MYO5B: variants seen among roughly 807,000 people sequenced by gnomAD.
MYO5B encodes myosin VB, also known as unconventional myosin-Vb.
MYO5B carries 143 observed loss-of-function variants against 229.3 expected under a neutral mutation model. That is an observed-to-expected ratio of 0.62 (90% CI 0.54 to 0.72). MYO5B has a LOEUF of 0.72. Ranked by LOEUF, MYO5B falls within the 30% of genes least tolerant of loss-of-function variation. The pLI is 0.00. For synonymous variants in MYO5B, 918 were observed against 885.2 expected, an observed-to-expected ratio of 1.04 and a Z score of -0.66; for missense variants, 2,321 against 2,331.0, an observed-to-expected ratio of 1.00 and a Z score of 0.09.
intron 22 of MYO5B, among the ~76,000 whole-genome samples, chr18:49,891,325 C>T (rs1213561136): frequency 6.6e-6 from 1 of 152,218 alleles, no homozygotes; most frequent in Admixed American, 6.5e-5. Context: ...CAGGCCCCCA[C>T]AGGTCACCCT....
chr18:49,937,410 A>C lies in MYO5B; in HGVS notation c.1753-13T>G. The stretch of plus-strand genomic sequence containing the variant: ...CCACTAGTGGGAACTAGAAACAATC[A>C]CAGGAAGAATGATGAAAGTGACATC... On this transcript the variant is annotated splice_polypyrimidine_tract_variant and intron_variant, in intron 14 of 39. Coordinates refer to ENST00000285039, the MANE Select transcript of MYO5B (RefSeq NM_001080467.3). 1 of 1,613,590 alleles carries C rather than the reference A, an allele frequency of 6.2e-7. No homozygotes were observed. The highest frequency in any genetic ancestry group is 8.5e-7 in the Non-Finnish European group (1 of 1,179,506).
rs1186928302 is a variant in MYO5B, at chr18:49,849,799, G to C, written c.4222-139C>G. 4.0e-6 allele frequency: 3 copies of C among 744,614 alleles called. No homozygotes were observed. The African/African-American group carries it at 5.1e-5, about 13-fold the overall frequency. 46.1% of individuals were successfully genotyped at this position (744,614 alleles called of 1,614,324 possible). On this transcript the variant is annotated intron_variant, in intron 31 of 39. Transcript: ENST00000285039. Reference sequence around the variant, plus strand: ...AATGCGCCAGTCAGGGACGCTGCCAGGAGAGCTGCTCTTCACAGGCTGTTG... The same window carrying C: ...AATGCGCCAGTCAGGGACGCTGCCACGAGAGCTGCTCTTCACAGGCTGTTG...
At chr18:49,965,162 A>T (rs2025608379) in intron 10 of MYO5B, among the ~76,000 whole-genome samples, 1 of 152,220 alleles carries the variant, frequency 6.6e-6, no homozygotes, top group East Asian at 1.9e-4. Context: ...CTGGTGGCCA[A>T]CCAATAGAAA....
intron 18 of MYO5B, among the ~76,000 whole-genome samples, chr18:49,907,587 G>T (rs1612752): frequency 2.0e-5 from 3 of 152,066 alleles, no homozygotes; most frequent in Non-Finnish European, 4.4e-5. Context: ...TAATGAGAAA[G>T]GAAGGAATGA....
At chr18:50,011,912 G>A (rs1350847349) in intron 4 of MYO5B, among the ~76,000 whole-genome samples, 2 of 151,988 alleles carry the variant, frequency 1.3e-5, no homozygotes, top group Non-Finnish European at 2.9e-5. Context: ...GGCCCTGCAC[G>A]AGCTGTTCCC....
chr18:49,889,510 C>T (rs1787303), intron 22 of MYO5B, among the ~76,000 whole-genome samples: 88,338 of 152,022 alleles, frequency 0.58, 25,814 homozygotes, highest in Middle Eastern at 0.67. Context: ...CAAGGCTGTA[C>T]CCTCTGAATC....
chr18:49,925,081 T>G (rs2025114079), intron 17 of MYO5B, among the ~76,000 whole-genome samples: 1 of 152,224 alleles, frequency 6.6e-6, no homozygotes, highest in Admixed American at 6.5e-5. Context: ...AATGGGGAGC[T>G]GCACATGCCT....
In MYO5B at chr18:49,904,674, G is replaced by C. The variant is rs201641526; in HGVS notation, c.2569C>G (p.Gln857Glu). Reference protein sequence around the residue: ...RAMFVRRTYRQVLMEHKATTI... With the variant: ...RAMFVRRTYREVLMEHKATTI... ...AGGCCCTCAGAGTGGCTACTCACCTGGCGGTAGGTTCTCCGCACAAACATG... is the reference window on the plus strand; with the variant it reads ...AGGCCCTCAGAGTGGCTACTCACCTCGCGGTAGGTTCTCCGCACAAACATG... Residue 857 changes from glutamine to glutamate, a missense_variant and splice_region_variant, in exon 20 of 40, where the codon CAG (glutamine) becomes GAG (glutamate). Coordinates refer to ENST00000285039, the MANE Select transcript of MYO5B (RefSeq NM_001080467.3). 4.1e-5 allele frequency: 66 copies of C among 1,613,558 alleles called. No homozygotes were observed. The highest frequency in any genetic ancestry group is 5.4e-5 in the Non-Finnish European group (64 of 1,180,056).
At chr18:50,006,569 C>T (rs1395719932) in intron 4 of MYO5B, among the ~76,000 whole-genome samples, 1 of 152,234 alleles carries the variant, frequency 6.6e-6, no homozygotes, top group East Asian at 1.9e-4. Flanking sequence ...TCCACACACA[C>T]ACTACCTCCC....
chr18:50,097,938 T>C (rs1297242172), intron 1 of MYO5B, among the ~76,000 whole-genome samples: 2 of 152,184 alleles, frequency 1.3e-5, no homozygotes, highest in African/African-American at 2.4e-5. Context: ...GTCACCACCC[T>C]GGAAACTAAT....
intron 12 of MYO5B, among the ~76,000 whole-genome samples, chr18:49,961,413 C>G (rs1407307680): frequency 6.6e-6 from 1 of 152,190 alleles, no homozygotes; most frequent in Admixed American, 6.5e-5. Flanking sequence ...CTTTCATTTT[C>G]AAAGGCAACA....
At chr18:50,143,514 G>A (rs2032450030) in intron 1 of MYO5B, among the ~76,000 whole-genome samples, 1 of 152,162 alleles carries the variant, frequency 6.6e-6, no homozygotes, top group African/African-American at 2.4e-5. Flanking sequence ...ACAGGATGGG[G>A]CATTAGAGCG....
intron 7 of MYO5B, among the ~76,000 whole-genome samples, chr18:49,987,936 T>C (rs1002672874): frequency 1.3e-5 from 2 of 152,270 alleles, no homozygotes; most frequent in Admixed American, 6.5e-5. Flanking sequence ...TTGGCCTGTA[T>C]GGTTTTTACC....
intron 10 of MYO5B, among the ~76,000 whole-genome samples, chr18:49,967,617 G>A (rs974688761): frequency 6.6e-6 from 1 of 152,172 alleles, no homozygotes; most frequent in African/African-American, 2.4e-5. Context: ...AATTCTCCCT[G>A]GAGAAGCCTT....
chr18:49,864,109 G>T, intron 28 of MYO5B, 32 bp downstream of exon 28: 2 of 1,602,386 alleles, frequency 1.2e-6, no homozygotes, highest in Non-Finnish European at 8.5e-7. Context: ...GTCACCCCTC[G>T]GCAGCCCCAC....
chr18:50,043,669 T>C (rs1282215190), intron 2 of MYO5B, among the ~76,000 whole-genome samples: 5 of 139,250 alleles, frequency 3.6e-5, no homozygotes, highest in Non-Finnish European at 7.6e-5. Context: ...ATATATAAAA[T>C]ATATTTATAA....
chr18:49,947,269 C>T (rs938366082), intron 14 of MYO5B, among the ~76,000 whole-genome samples: 1 of 151,998 alleles, frequency 6.6e-6, no homozygotes, highest in African/African-American at 2.4e-5. Context: ...CCACGCCTGG[C>T]TAATTTTTTG....
intron 21 of MYO5B, among the ~76,000 whole-genome samples, chr18:49,902,372 C>A (rs2024851295): frequency 6.6e-6 from 1 of 152,222 alleles, no homozygotes; most frequent in Non-Finnish European, 1.5e-5. Flanking sequence ...TCTGCAAAGT[C>A]CCTTTTGCCA....
intron 16 of MYO5B, among the ~76,000 whole-genome samples, chr18:49,933,334 C>T (rs2025215192): frequency 6.6e-6 from 1 of 152,218 alleles, no homozygotes; most frequent in Non-Finnish European, 1.5e-5. Flanking sequence ...AGCACTTTCA[C>T]AGAGCCACCG....
Sources: gnomAD v4.1 joint callset for allele counts (sites outside exome capture counted in the v4.1 genomes callset) on GRCh38, gnomAD v4.1.1 for gene constraint, MANE v1.5 for transcripts, NCBI Gene and HGNC (gene_info 2026-07-23, HGNC 2026-07-21) for gene names.